The following LCLAT1 variants were observed in gnomAD, a reference collection of about 807,000 sequenced individuals.
LCLAT1 encodes 1-AGP acyltransferase 8.
LCLAT1 carries 11 observed loss-of-function variants against 30.7 expected under a neutral mutation model. The ratio of observed to expected loss-of-function variants is 0.36; its 90% confidence interval spans 0.23 to 0.59. LCLAT1 has a LOEUF of 0.59. Among genes scored for constraint, LCLAT1 ranks in the 20% least tolerant of loss-of-function variants. The pLI is 0.77. For synonymous variants in LCLAT1, 155 were observed against 151.3 expected, an observed-to-expected ratio of 1.02 and a Z score of -0.18; for missense variants, 402 against 458.6, an observed-to-expected ratio of 0.88 and a Z score of 1.13.
chr2:30,466,506 G>A (rs964225463), intron 1 of LCLAT1, among the ~76,000 whole-genome samples: 1 of 151,948 alleles, frequency 6.6e-6, no homozygotes, highest in Non-Finnish European at 1.5e-5. Flanking sequence ...TTTAAAATTT[G>A]CATTGCTTAG....
intron 5 of LCLAT1, among the ~76,000 whole-genome samples, chr2:30,578,329 A>G (rs914965037): frequency 6.6e-6 from 1 of 152,048 alleles, no homozygotes; most frequent in Non-Finnish European, 1.5e-5. Context: ...CCTTTAGGAG[A>G]AGATAATAAG....
chr2:30,586,682 A>G (rs1286667342), intron 5 of LCLAT1, among the ~76,000 whole-genome samples: 1 of 152,086 alleles, frequency 6.6e-6, no homozygotes, highest in Non-Finnish European at 1.5e-5. Context: ...TCCCTAGTCA[A>G]CCATTCCATT....
intron 5 of LCLAT1, among the ~76,000 whole-genome samples, chr2:30,568,618 C>T (rs1412376758): frequency 1.3e-5 from 2 of 149,454 alleles, no homozygotes; most frequent in Non-Finnish European, 3.0e-5. Flanking sequence ...CGCCATTCCC[C>T]TGCCTCAGCC....
At chr2:30,560,832 T>G (rs1229494277) in intron 3 of LCLAT1, among the ~76,000 whole-genome samples, 1 of 152,248 alleles carries the variant, frequency 6.6e-6, no homozygotes, top group Non-Finnish European at 1.5e-5. Context: ...TTCTCATGGA[T>G]ATCCAAGAGG....
chr2:30,626,256 G>A (rs2148522129), intron 5 of LCLAT1, among the ~76,000 whole-genome samples: 1 of 152,288 alleles, frequency 6.6e-6, no homozygotes, highest in Middle Eastern at 3.4e-3. Context: ...ATTTGCAGGG[G>A]TTTTGGCAAC....
At chr2:30,462,597 C>A (rs1464696019) in intron 1 of LCLAT1, among the ~76,000 whole-genome samples, 1 of 152,154 alleles carries the variant, frequency 6.6e-6, no homozygotes, top group Non-Finnish European at 1.5e-5. Context: ...GGGTCTATTC[C>A]TTGTCCCCAG....
intron 3 of LCLAT1, among the ~76,000 whole-genome samples, chr2:30,558,172 G>C (rs770779575): frequency 2.6e-5 from 4 of 152,172 alleles, no homozygotes; most frequent in Admixed American, 2.0e-4. Flanking sequence ...GTATGTGTGT[G>C]TGTCTGTGTT....
chr2:30,577,524 A>G (rs971630334), intron 5 of LCLAT1, among the ~76,000 whole-genome samples: 23 of 152,154 alleles, frequency 1.5e-4, no homozygotes, highest in African/African-American at 5.3e-4. Flanking sequence ...TAATAACTTA[A>G]TCCACATAAT....
chr2:30,538,214 T>C (rs1020940957), intron 3 of LCLAT1, among the ~76,000 whole-genome samples: 5 of 151,860 alleles, frequency 3.3e-5, no homozygotes, highest in African/African-American at 1.2e-4. Context: ...AAAGGAAAGA[T>C]ATAAGAAAGA....
chr2:30,595,236 C>T (rs1281486578), intron 5 of LCLAT1, among the ~76,000 whole-genome samples: 2 of 152,090 alleles, frequency 1.3e-5, no homozygotes, highest in Non-Finnish European at 2.9e-5. Flanking sequence ...TAAAGCAGCC[C>T]TCCTGACCAC....
intron 5 of LCLAT1, among the ~76,000 whole-genome samples, chr2:30,595,466 T>C (rs184765035): frequency 6.6e-6 from 1 of 152,272 alleles, no homozygotes; most frequent in Admixed American, 6.5e-5. Flanking sequence ...TCTTAGTGCC[T>C]CCTGAACACA....
In LCLAT1 at chr2:30,641,567, A is replaced by C. The variant is rs1293885688; in HGVS notation, c.*948A>C. On this transcript the variant is annotated 3_prime_UTR_variant, in exon 6 of 6. Transcript: ENST00000379509. ...ACATGTGCTTGGGTATCTAACATCTACCATTAAAACAACAAATGGCTTGCA... is the reference window on the plus strand; with the variant it reads ...ACATGTGCTTGGGTATCTAACATCTCCCATTAAAACAACAAATGGCTTGCA... The C allele has an allele frequency of 6.6e-6, 1 of 152,194 alleles. No homozygotes were observed. Among genetic ancestry groups the C allele is most frequent in the Non-Finnish European group, 1.5e-5 (1 of 68,022 alleles). 9.4% of individuals were successfully genotyped at this position (152,194 alleles called of 1,614,324 possible).
At chr2:30,500,864 C>G (rs766170384) in intron 1 of LCLAT1, among the ~76,000 whole-genome samples, 1 of 152,154 alleles carries the variant, frequency 6.6e-6, no homozygotes, top group Non-Finnish European at 1.5e-5. Flanking sequence ...GAGACAGTTA[C>G]TGTTGTCTTA....
intron 5 of LCLAT1, among the ~76,000 whole-genome samples, chr2:30,568,420 C>CAT (rs57983028): frequency 0.13 from 18,872 of 150,212 alleles, 1,287 homozygotes; most frequent in South Asian, 0.23. Flanking sequence ...CTCTATATTA[C>CAT]ATATATATAT....
At chr2:30,483,625 A>AT (rs1484174718) in intron 1 of LCLAT1, among the ~76,000 whole-genome samples, 3 of 151,346 alleles carry the variant, frequency 2.0e-5, no homozygotes, top group Non-Finnish European at 4.4e-5. Flanking sequence ...CTCATCTTTA[A>AT]TTTTTTTTTA....
intron 5 of LCLAT1, among the ~76,000 whole-genome samples, chr2:30,631,803 C>G (rs551704491): frequency 5.9e-5 from 9 of 152,258 alleles, no homozygotes; most frequent in African/African-American, 1.9e-4. Context: ...CTGTTAATAG[C>G]TAGGCACTTG....
chr2:30,604,690 A>T (rs988475272), intron 5 of LCLAT1, among the ~76,000 whole-genome samples: 2 of 150,164 alleles, frequency 1.3e-5, no homozygotes, highest in African/African-American at 4.9e-5. Flanking sequence ...AAAAGTAAAC[A>T]TCATTCGTAG....
At chr2:30,632,493 C>A (rs1378678643) in intron 5 of LCLAT1, among the ~76,000 whole-genome samples, 1 of 152,176 alleles carries the variant, frequency 6.6e-6, no homozygotes, top group Non-Finnish European at 1.5e-5. Flanking sequence ...GAGTGGACTG[C>A]ATGTTGAGAA....
chr2:30,487,694 T>G (rs546974523), intron 1 of LCLAT1, among the ~76,000 whole-genome samples: 1 of 152,296 alleles, frequency 6.6e-6, no homozygotes, highest in African/African-American at 2.4e-5. Flanking sequence ...TAGGTGGAGT[T>G]GAAGTGTGTT....
Sources: allele counts gnomAD v4.1 joint callset (sites outside exome capture counted in the v4.1 genomes callset), GRCh38; gene constraint gnomAD v4.1.1; transcripts MANE v1.5; gene names NCBI Gene and HGNC (gene_info 2026-07-23, HGNC 2026-07-21).